The following MEG3 variants were observed in gnomAD, a reference collection of about 807,000 sequenced individuals.
MEG3 encodes maternally expressed 3.
At chr14:100,830,675 C>T (rs1487449274), downstream of MEG3, 1 of 152,192 alleles carries the variant, frequency 6.6e-6, no homozygotes, top group Non-Finnish European at 1.5e-5. Flanking sequence ...GTATCTGATA[C>T]AAAGATAATG....
chr14:100,844,845 A>G (rs1031998050), intron 2 of MEG3, among the ~76,000 whole-genome samples: 1 of 152,244 alleles, frequency 6.6e-6, no homozygotes, highest in Non-Finnish European at 1.5e-5. Context: ...AAAACAAGTT[A>G]AAACGTAAGG....
intron 1 of MEG3, among the ~76,000 whole-genome samples, chr14:100,827,056 T>A (rs1184369279): frequency 1.3e-5 from 2 of 151,234 alleles, no homozygotes; most frequent in Non-Finnish European, 3.0e-5. Flanking sequence ...GGTGTGTTGC[T>A]GGGGTCTGGA....
At chr14:100,828,973 CTG>C (rs1255615067) in intron 2 of MEG3, 1 of 152,114 alleles carries the variant, frequency 6.6e-6, no homozygotes, top group Non-Finnish European at 1.5e-5. Context: ...TGAACTTAAA[CTG>C]TAATTATGAT....
downstream of MEG3, chr14:100,829,612 A>G (rs575515432): frequency 6.6e-6 from 1 of 152,236 alleles, no homozygotes; most frequent in South Asian, 2.1e-4. Context: ...TCTGGCATAG[A>G]GGAGGTGATC....
chr14:100,828,556 C>T (rs1362021824), intron 1 of MEG3, among the ~76,000 whole-genome samples: 1 of 137,690 alleles, frequency 7.3e-6, no homozygotes, highest in Non-Finnish European at 1.6e-5. Context: ...CTCTTCCCTC[C>T]CAGCCCCTCC....
At chr14:100,835,043 C>G (rs548630920) in exon 1 of MEG3, 2 of 347,132 alleles carry the variant, frequency 5.8e-6, no homozygotes, top group Non-Finnish European at 1.1e-5. Context: ...CCCAGGAGGG[C>G]GGGCCGGGGG....
exon 1 of MEG3, chr14:100,834,823 A>G (rs911507930): frequency 2.2e-6 from 1 of 456,638 alleles, no homozygotes; most frequent in African/African-American, 2.0e-5. Flanking sequence ...TCTAGGTGCA[A>G]AGGCTGGAGG....
At chr14:100,841,292 A>G (rs2037751269) in intron 2 of MEG3, among the ~76,000 whole-genome samples, 1 of 152,208 alleles carries the variant, frequency 6.6e-6, no homozygotes, top group African/African-American at 2.4e-5. Flanking sequence ...AGACCTGGTT[A>G]GAGCCTGTGC....
chr14:100,860,680 GTCTC>G (rs2038379742), intron 1 of MEG3: 2 of 456,550 alleles, frequency 4.4e-6, no homozygotes, highest in South Asian at 3.1e-5. Context: ...CTGCAACTGT[GTCTC>G]TCTCAGCCTC....
intron 3 of MEG3, chr14:100,850,589 A>T (rs2038040048): frequency 6.8e-6 from 1 of 147,412 alleles, no homozygotes; most frequent in Admixed American, 6.9e-5. Flanking sequence ...ACAGAGCAAG[A>T]CACTATCTTA....
At chr14:100,830,674 A>T (rs1271235294), downstream of MEG3, 1 of 152,242 alleles carries the variant, frequency 6.6e-6, no homozygotes, top group Admixed American at 6.5e-5. Context: ...GGTATCTGAT[A>T]CAAAGATAAT....
chr14:100,860,550 C>G, intron 1 of MEG3: 1 of 427,240 alleles, frequency 2.3e-6, no homozygotes, highest in East Asian at 7.0e-5. Context: ...CTCCCCTCAC[C>G]CTCCATGCTG....
exon 3 of MEG3, chr14:100,829,142 C>T (rs889934206): frequency 2.0e-5 from 3 of 152,180 alleles, no homozygotes; most frequent in African/African-American, 7.2e-5. Context: ...ACTGACCAGC[C>T]AGCTGTCCCT....
intron 2 of MEG3, among the ~76,000 whole-genome samples, chr14:100,836,588 C>T (rs951299201): frequency 6.6e-6 from 1 of 152,054 alleles, no homozygotes; most frequent in Non-Finnish European, 1.5e-5. Context: ...CCGAGAGCGG[C>T]TCGGGCCAGG....
rs1054113935 is a variant in MEG3 at position 100,860,609 on chromosome 14, G to T, written n.3113-140G>T. 3 of 455,438 alleles carry T rather than the reference G, an allele frequency of 6.6e-6. No individual in the cohort carries two copies. In the Admixed American group the frequency reaches 7.1e-5, roughly 11 times the overall value. The allele number at this position is 455,438 out of a possible 1,614,324, so 28.2% of individuals were successfully genotyped here. On this transcript the variant is annotated intron_variant and non_coding_transcript_variant, in intron 1 of 1. Coordinates refer to the MEG3 transcript ENST00000398460. The stretch of plus-strand genomic sequence containing the variant: ...TGCTCTCCTCTCCCTCCCTCCTGGG[G>T]CCTGCCTGTCTGTCTGTGAACTCTT...
At chr14:100,838,102 C>G (rs968891454) in intron 2 of MEG3, among the ~76,000 whole-genome samples, 13 of 152,284 alleles carry the variant, frequency 8.5e-5, no homozygotes, top group Middle Eastern at 6.8e-3. Context: ...CTGTCCCAAG[C>G]TTACTAGAAT....
intron 2 of MEG3, among the ~76,000 whole-genome samples, chr14:100,839,996 C>CT (rs1366275741): frequency 6.6e-6 from 1 of 152,188 alleles, no homozygotes; most frequent in Non-Finnish European, 1.5e-5. Context: ...GGACATATCT[C>CT]TGTCTGTCCT....
chr14:100,831,466 C>T (rs1274524070), downstream of MEG3: 1 of 152,760 alleles, frequency 6.5e-6, no homozygotes, highest in African/African-American at 2.4e-5. Flanking sequence ...CTTCCTTCCT[C>T]ACCTCCAATT....
chr14:100,838,722 G>A lies in MEG3; in HGVS notation n.3045+2422G>A, dbSNP rs2037663471. Among the ~76,000 whole-genome samples the A allele has an allele frequency of 2.0e-5, 3 of 152,228 alleles. No homozygotes were observed. In the South Asian group the frequency reaches 6.2e-4, roughly 32 times the overall value. On this transcript the variant is annotated intron_variant and non_coding_transcript_variant, in intron 2 of 3. Transcript: ENST00000398461. ...CTTCTGGGTGGGTGCAAGTGTCAGG[G>A]TAAAGACGGCGGTCTGGTCTGGAAA... is the stretch of plus-strand genomic sequence containing the variant.
Sources: allele counts gnomAD v4.1 joint callset (sites outside exome capture counted in the v4.1 genomes callset), GRCh38; gene constraint gnomAD v4.1.1; transcripts MANE v1.5; gene names NCBI Gene and HGNC (gene_info 2026-07-23, HGNC 2026-07-21).